EFEMP1: variants seen among roughly 807,000 people sequenced by gnomAD.
EFEMP1 encodes EGF-containing fibulin-like extracellular matrix protein 1.
Under a neutral mutation model 65.7 loss-of-function variants are expected in EFEMP1, and 18 were observed. The ratio of observed to expected loss-of-function variants is 0.27; its 90% CI spans 0.19 to 0.41. EFEMP1 has a LOEUF of 0.41. Among genes scored for constraint, EFEMP1 ranks in the 10% least tolerant of loss-of-function variants. The pLI, the probability that EFEMP1 is intolerant of heterozygous loss-of-function variation, is 1.00. For missense variants in EFEMP1, 469 were observed against 624.8 expected, an observed-to-expected ratio of 0.75 and a Z score of 2.66; for synonymous variants, 237 against 219.7, an observed-to-expected ratio of 1.08 and a Z score of -0.70.
chr2:55,881,050 C>T (rs562408803), intron 6 of EFEMP1, among the ~76,000 whole-genome samples: 13 of 152,230 alleles, frequency 8.5e-5, no homozygotes, highest in Non-Finnish European at 1.3e-4. Context: ...CAGAATACAA[C>T]GATAGCAAAC....
chr2:55,900,669 TTC>T (rs10675516), intron 5 of EFEMP1, among the ~76,000 whole-genome samples: 1 of 151,876 alleles, frequency 6.6e-6, no homozygotes, highest in African/African-American at 2.4e-5. Flanking sequence ...TTCTCTATTT[TTC>T]TCTCTGGTTA....
chr2:55,868,825 G>C (rs371982369), intron 11 of EFEMP1, among the ~76,000 whole-genome samples: 2 of 152,060 alleles, frequency 1.3e-5, no homozygotes, highest in African/African-American at 4.8e-5. Context: ...CATGTAGTAG[G>C]TGCTTAATTA....
chr2:55,923,625 C>T lies in EFEMP1; in HGVS notation c.-49+86G>A. The T allele has an allele frequency of 1.0e-6, 1 of 985,746 alleles. No homozygotes were observed. Among genetic ancestry groups the T allele is most frequent in the Non-Finnish European group, 1.2e-6 (1 of 830,230 alleles). The allele number at this position is 985,746 out of a possible 1,614,324, so 61.1% of individuals were successfully genotyped here. A position where few individuals can be genotyped will look rare whatever the true frequency, so the allele number is the denominator to read the frequency against. On this transcript the variant is annotated intron_variant, in intron 1 of 11. Coordinates refer to ENST00000355426, the MANE Select transcript of EFEMP1 (RefSeq NM_001039348.3). This position sits in a 1 kb window ranked among gnomAD's most constrained non-coding sequence, Gnocchi z 5.3. ...GGGCAGTTCTCGGGTACTCAACACC[C>T]CTCAGCTCACCCCACCTCACTCTCC...
chr2:55,884,386 T>G (rs190054382), intron 5 of EFEMP1, among the ~76,000 whole-genome samples: 1 of 152,220 alleles, frequency 6.6e-6, no homozygotes, highest in Non-Finnish European at 1.5e-5. Context: ...CCATTTGTCA[T>G]AAATACCAGA....
intron 5 of EFEMP1, among the ~76,000 whole-genome samples, chr2:55,887,512 G>A (rs750956699): frequency 6.6e-5 from 10 of 152,028 alleles, no homozygotes; most frequent in Non-Finnish European, 1.5e-4. Context: ...TCATAGTACT[G>A]GAATCAGATT....
chr2:55,874,901 G>A, intron 9 of EFEMP1, 45 bp downstream of exon 9: 2 of 1,563,842 alleles, frequency 1.3e-6, no homozygotes, highest in East Asian at 2.4e-5. Flanking sequence ...GTCTCTTCCT[G>A]GCTAAAACTA....
At chr2:55,884,861 T>C (rs898615412) in intron 5 of EFEMP1, among the ~76,000 whole-genome samples, 23 of 152,056 alleles carry the variant, frequency 1.5e-4, no homozygotes, top group African/African-American at 5.1e-4. Context: ...TGTCTTATTT[T>C]CCCCCCTGTA....
Position 55,922,819 on chromosome 2 carries a change from C to A in EFEMP1, c.-8+80G>T, listed in dbSNP as rs1031740082. 5.6e-6 allele frequency: 6 copies of A among 1,078,332 alleles called. No individual in the cohort carries two copies. The highest frequency in any genetic ancestry group is 4.7e-6 in the Non-Finnish European group (4 of 847,884). The allele number at this position is 1,078,332 out of a possible 1,614,324, so 66.8% of individuals were successfully genotyped here. The stretch of plus-strand genomic sequence containing the variant: ...AGGGGACGGTGCATTTCCTGCCCCC[C>A]AGTCCCACACCCCGGGGGATGGAGG... On this transcript the variant is annotated intron_variant, in intron 2 of 11. Coordinates refer to ENST00000355426, the MANE Select transcript of EFEMP1 (RefSeq NM_001039348.3). This position sits in a 1 kb window ranked among gnomAD's most constrained non-coding sequence, Gnocchi z 5.5.
rs954693387 is a variant in EFEMP1 at position 55,871,470 on chromosome 2, T to C, written c.1001-347A>G. Among the ~76,000 whole-genome samples, 1 of 152,156 alleles carries C rather than the reference T, an allele frequency of 6.6e-6. No individual in the cohort carries two copies. The highest frequency in any genetic ancestry group is 1.5e-5 in the Non-Finnish European group (1 of 68,026). ...CATTATAATTGAGGGAATGTGTATATGATTACTTAGAAAGTAAAATGGAAT... is the reference window on the plus strand; with the variant it reads ...CATTATAATTGAGGGAATGTGTATACGATTACTTAGAAAGTAAAATGGAAT... On this transcript the variant is annotated intron_variant, in intron 9 of 11. Coordinates refer to ENST00000355426, the MANE Select transcript of EFEMP1 (RefSeq NM_001039348.3). The surrounding 1 kb of genome is among the most constrained non-coding windows in gnomAD (Gnocchi z 4.2).
rs745343709 is a variant in EFEMP1, at chr2:55,870,933, A to C, written c.1125-18T>G. 1 of 1,613,748 alleles carries C rather than the reference A, an allele frequency of 6.2e-7. No homozygotes were observed. The highest frequency in any genetic ancestry group is 1.7e-5 in the Admixed American group (1 of 59,904). ...CACATCGGCTGCAGAGACAAACAAA[A>C]GTATTCAGCAGTTTGGCTTGGTAAG... is the stretch of plus-strand genomic sequence containing the variant. On this transcript the variant is annotated intron_variant, in intron 10 of 11. Coordinates refer to ENST00000355426, the MANE Select transcript of EFEMP1 (RefSeq NM_001039348.3). The surrounding 1 kb of genome is among the most constrained non-coding windows in gnomAD (Gnocchi z 5.8).
chr2:55,891,514 T>C (rs527652773), intron 5 of EFEMP1, among the ~76,000 whole-genome samples: 1 of 152,106 alleles, frequency 6.6e-6, no homozygotes, highest in African/African-American at 2.4e-5. Flanking sequence ...TTCAACAACA[T>C]TGAATATCTA....
intron 5 of EFEMP1, among the ~76,000 whole-genome samples, chr2:55,902,332 A>C (rs564040471): frequency 1.0e-4 from 6 of 58,638 alleles, no homozygotes; most frequent in Non-Finnish European, 1.8e-4. Context: ...GAACTAATTC[A>C]GACTTTAAAC....
chr2:55,907,345 A>C (rs903585249), intron 5 of EFEMP1, among the ~76,000 whole-genome samples: 5 of 152,220 alleles, frequency 3.3e-5, no homozygotes, highest in African/African-American at 1.2e-4. Context: ...AGGCAAGAAA[A>C]GGGGTATTTA....
In EFEMP1 at chr2:55,873,101, C is replaced by CACAG. The variant is rs1349471027; in HGVS notation, c.1000+1844_1000+1845insCTGT. Among the ~76,000 whole-genome samples the CACAG allele has an allele frequency of 6.6e-6, 1 of 150,942 alleles. No homozygotes were observed. The highest frequency in any genetic ancestry group is 1.5e-5 in the Non-Finnish European group (1 of 67,774). ...ACACACACACACACACACACACACA[C>CACAG]AGTTTTCATTTGTATAGGCCTGTGA... is the stretch of plus-strand genomic sequence containing the variant. On this transcript the variant is annotated intron_variant, in intron 9 of 11. Coordinates refer to ENST00000355426, the MANE Select transcript of EFEMP1 (RefSeq NM_001039348.3). The surrounding 1 kb of genome is among the most constrained non-coding windows in gnomAD (Gnocchi z 4.6).
At chr2:55,895,633 C>T (rs1669797449) in intron 5 of EFEMP1, among the ~76,000 whole-genome samples, 2 of 152,062 alleles carry the variant, frequency 1.3e-5, no homozygotes, top group South Asian at 2.1e-4. Flanking sequence ...GCTCCGCCCC[C>T]GGGGTTCACG....
At chr2:55,893,238 T>C (rs1669699922) in intron 5 of EFEMP1, among the ~76,000 whole-genome samples, 2 of 152,220 alleles carry the variant, frequency 1.3e-5, no homozygotes, top group Non-Finnish European at 2.9e-5. Context: ...TGAGATTGTA[T>C]CTTTCTGTAG....
At chr2:55,894,932 T>C (rs190691398) in intron 5 of EFEMP1, among the ~76,000 whole-genome samples, 37 of 152,314 alleles carry the variant, frequency 2.4e-4, no homozygotes, top group African/African-American at 8.9e-4. Context: ...CATCCTACAT[T>C]TCTGACCCCT....
intron 5 of EFEMP1, among the ~76,000 whole-genome samples, chr2:55,897,811 T>TC (rs1203722485): frequency 6.6e-6 from 1 of 152,200 alleles, no homozygotes; most frequent in Non-Finnish European, 1.5e-5. Context: ...CTTGTTGCTT[T>TC]CCTCTATCTA....
At chr2:55,892,730 A>G (rs1281155090) in intron 5 of EFEMP1, among the ~76,000 whole-genome samples, 4 of 152,168 alleles carry the variant, frequency 2.6e-5, no homozygotes, top group African/African-American at 9.7e-5. Flanking sequence ...GTGTCTGCAG[A>G]GTACAAAGGC....
Sources: gnomAD v4.1 joint callset for allele counts (sites outside exome capture counted in the v4.1 genomes callset) on GRCh38, gnomAD v4.1.1 for gene constraint, Gnocchi (gnomAD v3.1) non-coding constraint, MANE v1.5 for transcripts, NCBI Gene and HGNC (gene_info 2026-07-23, HGNC 2026-07-21) for gene names.